ACTR3C: variants seen among roughly 807,000 people sequenced by gnomAD.
ACTR3C encodes actin-related protein 3C.
In ACTR3C, 18 loss-of-function variants were observed where a neutral mutation model predicts 26.3. The observed-to-expected ratio is 0.68, with a 90% CI of 0.47 to 1.01. ACTR3C has a LOEUF of 1.01. Among genes scored for constraint, ACTR3C ranks in the 50% least tolerant of loss-of-function variants. ACTR3C has a pLI of 0.00. For synonymous variants in ACTR3C, 55 were observed against 94.5 expected (o/e 0.58, Z 2.42); for missense variants, 184 against 250.7 (o/e 0.73, Z 1.80).
the ACTR3C span, among the ~76,000 whole-genome samples, chr7:149,893,641 T>C: frequency 6.6e-6 from 1 of 152,230 alleles, no homozygotes; most frequent in Non-Finnish European, 1.5e-5. Flanking sequence ...GAGAAATATT[T>C]GTTAAATTAA....
chr7:150,042,036 C>CA, the ACTR3C span, among the ~76,000 whole-genome samples: 5 of 109,574 alleles, frequency 4.6e-5, no homozygotes, highest in African/African-American at 1.6e-4. Flanking sequence ...ATCTTAGGAG[C>CA]AACGATGGGG....
chr7:149,933,482 A>C, the ACTR3C span, among the ~76,000 whole-genome samples: 1 of 152,256 alleles, frequency 6.6e-6, no homozygotes, highest in Non-Finnish European at 1.5e-5. Context: ...ATTGTGGACT[A>C]TCTGGTTAAG....
chr7:149,960,971 T>C, the ACTR3C span, among the ~76,000 whole-genome samples: 1 of 149,748 alleles, frequency 6.7e-6, no homozygotes, highest in Non-Finnish European at 1.5e-5. Flanking sequence ...AGGAAGTGTA[T>C]ACTCATAGGA....
At chr7:149,970,048 C>T in the ACTR3C span, among the ~76,000 whole-genome samples, 3 of 152,080 alleles carry the variant, frequency 2.0e-5, no homozygotes, top group Admixed American at 6.5e-5. Flanking sequence ...GATATTTTGA[C>T]TCAAATTACA....
the ACTR3C span, among the ~76,000 whole-genome samples, chr7:150,125,037 G>A: frequency 1.5e-4 from 23 of 152,256 alleles, no homozygotes; most frequent in African/African-American, 5.5e-4. Context: ...TCTATTCAAT[G>A]CCTATGCTAT....
rs1488970979 is a variant in ACTR3C at position 150,247,295 on chromosome 7, T to A, written c.*313A>T. Reference sequence around the variant, plus strand: ...TTGTGCAAGCGTGAGTTAAGAGATTTGATGAAATTATTCACCCAGATGTAA... The same window carrying A: ...TTGTGCAAGCGTGAGTTAAGAGATTAGATGAAATTATTCACCCAGATGTAA... On this transcript the variant is annotated 3_prime_UTR_variant, in exon 8 of 8. Transcript: ENST00000683684. 2 of 152,186 alleles carry A rather than the reference T, an allele frequency of 1.3e-5. No individual in the cohort carries two copies. Among genetic ancestry groups the A allele is most frequent in the African/African-American group, 4.8e-5 (2 of 41,430 alleles). The allele number at this position is 152,186 out of a possible 1,614,324, so 9.4% of individuals were successfully genotyped here. A position where few individuals can be genotyped will look rare whatever the true frequency, so the allele number is the denominator to read the frequency against.
the ACTR3C span, among the ~76,000 whole-genome samples, chr7:149,966,242 CAG>C: frequency 6.6e-6 from 1 of 152,168 alleles, no homozygotes; most frequent in Non-Finnish European, 1.5e-5. Flanking sequence ...ACTGGAGAAA[CAG>C]AGGCTGGAAG....
At chr7:150,067,775 C>A in the ACTR3C span, among the ~76,000 whole-genome samples, 6 of 143,260 alleles carry the variant, frequency 4.2e-5, no homozygotes, top group Admixed American at 1.4e-4. Flanking sequence ...GGCTGAATTG[C>A]CCCACACAAC....
chr7:150,171,314 G>T, the ACTR3C span, among the ~76,000 whole-genome samples: 1 of 149,758 alleles, frequency 6.7e-6, no homozygotes, highest in Non-Finnish European at 1.5e-5. Flanking sequence ...ATAACAGCAA[G>T]ATCGCTGGAA....
rs1484099886 is a variant in ACTR3C, at chr7:150,313,081, C to T, written c.-52+10388G>A. On this transcript the variant is annotated intron_variant, in intron 1 of 7. Coordinates refer to ENST00000683684, the MANE Select transcript of ACTR3C (RefSeq NM_001164458.2). ...CTTATGATCTCCCCACCATGCACCC[C>T]GTAACCCCCTCCTCTGCTAACAATA... Among the ~76,000 whole-genome samples the T allele has an allele frequency of 3.3e-5, 5 of 152,190 alleles. No homozygotes were observed. The East Asian group carries it at 5.8e-4, about 18-fold the overall frequency.
chr7:150,199,745 A>AC, the ACTR3C span, among the ~76,000 whole-genome samples: 253 of 144,220 alleles, frequency 1.8e-3, no homozygotes, highest in Non-Finnish European at 2.9e-3. Flanking sequence ...AAAAAAAAAA[A>AC]AACATAGTAC....
At chr7:150,141,625 G>T in the ACTR3C span, among the ~76,000 whole-genome samples, 1 of 151,956 alleles carries the variant, frequency 6.6e-6, no homozygotes, top group Non-Finnish European at 1.5e-5. Flanking sequence ...CAGGTTCTTG[G>T]CCTGCCTTTG....
chr7:150,249,531 G>A (rs972898330), intron 6 of ACTR3C, among the ~76,000 whole-genome samples: 2 of 152,124 alleles, frequency 1.3e-5, no homozygotes, highest in African/African-American at 4.8e-5. Flanking sequence ...TGGGCTCACT[G>A]CAACCTGTGG....
the ACTR3C span, among the ~76,000 whole-genome samples, chr7:150,223,848 C>T: frequency 6.6e-6 from 1 of 152,196 alleles, no homozygotes; most frequent in African/African-American, 2.4e-5. Context: ...CTAGACAGCA[C>T]TCAATTTTTC....
the ACTR3C span, among the ~76,000 whole-genome samples, chr7:150,107,515 AC>A: frequency 6.6e-6 from 1 of 152,152 alleles, no homozygotes; most frequent in East Asian, 1.9e-4. Flanking sequence ...TACAACCTTG[AC>A]AAAAACAAAG....
chr7:150,030,632 T>C, the ACTR3C span, among the ~76,000 whole-genome samples: 17 of 152,322 alleles, frequency 1.1e-4, no homozygotes, highest in African/African-American at 4.1e-4. Context: ...TTATCTTCCC[T>C]GTTCAGGAAG....
At chr7:150,036,689 A>C in the ACTR3C span, among the ~76,000 whole-genome samples, 2 of 138,612 alleles carry the variant, frequency 1.4e-5, 1 homozygote, top group Non-Finnish European at 3.3e-5. Flanking sequence ...ATTGCAAATA[A>C]CCTGCTTTCT....
At chr7:150,180,269 C>A in the ACTR3C span, among the ~76,000 whole-genome samples, 1 of 149,958 alleles carries the variant, frequency 6.7e-6, no homozygotes, top group African/African-American at 2.5e-5. Flanking sequence ...CGCGCCACTG[C>A]ACTCCAGCCC....
the ACTR3C span, among the ~76,000 whole-genome samples, chr7:150,015,202 C>T: frequency 1.3e-5 from 2 of 152,276 alleles, no homozygotes; most frequent in East Asian, 3.9e-4. Context: ...AGCACCATCT[C>T]CCGTAGACAA....
Sources: gnomAD v4.1 joint callset for allele counts (sites outside exome capture counted in the v4.1 genomes callset) on GRCh38, gnomAD v4.1.1 for gene constraint, MANE v1.5 for transcripts, NCBI Gene and HGNC (gene_info 2026-07-23, HGNC 2026-07-21) for gene names.